CDH12: variants seen among roughly 807,000 people sequenced by gnomAD.
The protein encoded by CDH12 is cadherin 12.
CDH12 carries 41 observed loss-of-function variants against 74.1 expected under a neutral mutation model. That is an observed-to-expected ratio of 0.55 (90% CI 0.43 to 0.72). CDH12 has a LOEUF of 0.72. Among genes scored for constraint, CDH12 ranks in the 30% least tolerant of loss-of-function variants. The pLI is 0.00. For synonymous variants in CDH12, 399 were observed against 355.0 expected, an observed-to-expected ratio of 1.12 and a Z score of -1.39; for missense variants, 945 against 977.2, an observed-to-expected ratio of 0.97 and a Z score of 0.44.
At chr5:22,559,958 T>C (rs772645091) in intron 1 of CDH12, among the ~76,000 whole-genome samples, 1 of 152,220 alleles carries the variant, frequency 6.6e-6, no homozygotes, top group Non-Finnish European at 1.5e-5. Flanking sequence ...TGCCCTTTAG[T>C]CCTTTACCTT....
At chr5:22,615,994 G>T (rs568624395) in intron 1 of CDH12, among the ~76,000 whole-genome samples, 1 of 152,230 alleles carries the variant, frequency 6.6e-6, no homozygotes, top group Admixed American at 6.6e-5. Flanking sequence ...AAGAAAGATA[G>T]ATCTGCTTCT....
At chr5:21,892,469 A>T (rs1354020099) in intron 6 of CDH12, among the ~76,000 whole-genome samples, 3 of 152,328 alleles carry the variant, frequency 2.0e-5, no homozygotes, top group South Asian at 2.1e-4. Context: ...AGGTTCTGCC[A>T]TCACATGCAG....
chr5:22,576,336 C>G (rs1408223130), intron 1 of CDH12, among the ~76,000 whole-genome samples: 1 of 152,090 alleles, frequency 6.6e-6, no homozygotes, highest in East Asian at 1.9e-4. Flanking sequence ...CCTACCCTGT[C>G]CAGAGAGGAA....
intron 6 of CDH12, among the ~76,000 whole-genome samples, chr5:21,946,969 C>T (rs1164169447): frequency 6.6e-6 from 1 of 152,174 alleles, no homozygotes; most frequent in East Asian, 1.9e-4. Context: ...TTCCCTCATG[C>T]TGTTCTCATG....
rs191009743 is a variant in CDH12 at position 22,153,054 on chromosome 5, G to A, written c.-187+59444C>T. On this transcript the variant is annotated intron_variant, in intron 4 of 14. Transcript: ENST00000382254. ...TTTCTGTACCTGAGCTATTGAGGAC[G>A]ATGCTCCAGTGAGCATTGGAGCACA... 5.9e-5 allele frequency among the ~76,000 whole-genome samples: 9 copies of A among 152,230 alleles called. No individual in the cohort carries two copies. The East Asian group carries it at 7.7e-4, about 13-fold the overall frequency.
At chr5:22,715,137 G>C (rs1400624049) in intron 1 of CDH12, among the ~76,000 whole-genome samples, 1 of 152,156 alleles carries the variant, frequency 6.6e-6, no homozygotes, top group Non-Finnish European at 1.5e-5. Context: ...GGCACTCAAT[G>C]CTTGTCAAAA....
intron 3 of CDH12, among the ~76,000 whole-genome samples, chr5:22,267,457 C>T (rs1298887016): frequency 6.6e-6 from 1 of 152,092 alleles, no homozygotes; most frequent in African/African-American, 2.4e-5. Context: ...TATAGACAAC[C>T]TTATTTCATG....
At chr5:22,638,333 C>G (rs186129159) in intron 1 of CDH12, among the ~76,000 whole-genome samples, 186 of 152,236 alleles carry the variant, frequency 1.2e-3, no homozygotes, top group Admixed American at 3.5e-3. Flanking sequence ...TGGCCAAAGG[C>G]CCAAGAGCCT....
intron 1 of CDH12, among the ~76,000 whole-genome samples, chr5:22,767,835 TA>T (rs1746600602): frequency 6.6e-6 from 1 of 151,998 alleles, no homozygotes; most frequent in South Asian, 2.1e-4. Context: ...ATAAAAATAA[TA>T]AATTATACCT....
At chr5:22,226,837 C>G (rs527441080) in intron 3 of CDH12, among the ~76,000 whole-genome samples, 22 of 152,078 alleles carry the variant, frequency 1.4e-4, no homozygotes, top group African/African-American at 4.8e-4. Context: ...TATGTGAATG[C>G]AGGGGATGCC....
At chr5:22,457,921 T>C (rs918112325) in intron 2 of CDH12, among the ~76,000 whole-genome samples, 1 of 152,088 alleles carries the variant, frequency 6.6e-6, no homozygotes, top group African/African-American at 2.4e-5. Context: ...ATTTTTGTAA[T>C]TTTAGTAAAG....
intron 4 of CDH12, among the ~76,000 whole-genome samples, chr5:22,189,337 A>C (rs559461819): frequency 6.6e-6 from 1 of 152,308 alleles, no homozygotes. Flanking sequence ...ACAGTTCAAT[A>C]ATGATTATAT....
chr5:22,484,917 G>T (rs956769433), intron 2 of CDH12, among the ~76,000 whole-genome samples: 8 of 151,986 alleles, frequency 5.3e-5, no homozygotes, highest in African/African-American at 1.9e-4. Flanking sequence ...CTTGAAGAAT[G>T]AGTATATAAT....
chr5:22,254,531 T>C (rs2150389575), intron 3 of CDH12, among the ~76,000 whole-genome samples: 1 of 151,936 alleles, frequency 6.6e-6, no homozygotes, highest in East Asian at 1.9e-4. Context: ...AGATTGCCAT[T>C]CTACAATGCA....
intron 1 of CDH12, among the ~76,000 whole-genome samples, chr5:22,616,385 T>C (rs72637721): frequency 0.066 from 10,026 of 152,112 alleles, 439 homozygotes; most frequent in East Asian, 0.24. Flanking sequence ...CCATTCTCAT[T>C]TTTAGATGTG....
chr5:22,611,850 T>C (rs1737419966), intron 1 of CDH12, among the ~76,000 whole-genome samples: 1 of 152,034 alleles, frequency 6.6e-6, no homozygotes, highest in Non-Finnish European at 1.5e-5. Flanking sequence ...GCAGAGTGGA[T>C]CTGGAGGGGC....
intron 2 of CDH12, among the ~76,000 whole-genome samples, chr5:22,498,177 C>T (rs1425492877): frequency 6.6e-6 from 1 of 152,122 alleles, no homozygotes; most frequent in Admixed American, 6.5e-5. Flanking sequence ...AATTTGCAAA[C>T]TACCATTTCC....
At chr5:22,772,325 A>T (rs759008862) in intron 1 of CDH12, among the ~76,000 whole-genome samples, 1 of 152,054 alleles carries the variant, frequency 6.6e-6, no homozygotes, top group Non-Finnish European at 1.5e-5. Flanking sequence ...ATTTGACAAG[A>T]AGGTGTCCTA....
At chr5:22,710,678 T>C (rs1208356074) in intron 1 of CDH12, among the ~76,000 whole-genome samples, 1 of 152,172 alleles carries the variant, frequency 6.6e-6, no homozygotes, top group African/African-American at 2.4e-5. Context: ...GTCAATTTCT[T>C]GCAGTCTCCC....
Sources: allele counts gnomAD v4.1 joint callset (sites outside exome capture counted in the v4.1 genomes callset), GRCh38; gene constraint gnomAD v4.1.1; transcripts MANE v1.5; gene names NCBI Gene and HGNC (gene_info 2026-07-23, HGNC 2026-07-21).